LINGO2: variants seen among roughly 807,000 people sequenced by gnomAD.
LINGO2 encodes the protein leucine rich repeat and Ig domain containing 2, also known as leucine-rich repeat and immunoglobulin-like domain-containing nogo receptor-interacting protein 2.
Under a neutral mutation model 30.6 loss-of-function variants are expected in LINGO2, and 14 were observed. The ratio of observed to expected loss-of-function variants is 0.46; its 90% CI spans 0.30 to 0.72. The LOEUF (loss-of-function observed/expected upper bound fraction) is 0.72, where lower values mean the gene tolerates loss of function less well. Ranked by LOEUF, LINGO2 falls within the 30% of genes least tolerant of loss-of-function variation. LINGO2 has a pLI of 0.07. For synonymous variants in LINGO2, 317 were observed against 288.5 expected, an observed-to-expected ratio of 1.10 and a Z score of -1.00; for missense variants, 729 against 751.7, an observed-to-expected ratio of 0.97 and a Z score of 0.35.
rs1491188830 is a variant in LINGO2 at position 28,479,910 on chromosome 9, G to GGT, written c.-364-3887_-364-3886dup. ...ATGTGTGTATGTGTATATATACGTA[G>GGT]GTATATATATATATATATATATATA... On this transcript the variant is annotated intron_variant, in intron 1 of 5. Transcript: ENST00000379992. 3.2e-3 allele frequency among the ~76,000 whole-genome samples: 55 copies of GGT among 17,248 alleles called. 3 individuals are homozygous for GGT. In the East Asian group the frequency reaches 0.067, roughly 21 times the overall value. 11.3% of individuals were successfully genotyped at this position (17,248 alleles called of 152,430 possible).
In LINGO2 at chr9:28,148,934, G is replaced by C; in HGVS notation, c.-86-136529C>G. 1 of 1,533,978 alleles carries C rather than the reference G, an allele frequency of 6.5e-7. No individual in the cohort carries two copies. The highest frequency in any genetic ancestry group is 8.7e-7 in the Non-Finnish European group (1 of 1,146,676). The stretch of plus-strand genomic sequence containing the variant: ...GTCAAGTAGGTCTTCTCCACACAGA[G>C]CTGCCGGCCACAGTTCCCACAAAAG... On this transcript the variant is annotated intron_variant, in intron 4 of 5. Coordinates refer to ENST00000379992, the Ensembl canonical transcript of LINGO2. The surrounding 1 kb of genome is among the most constrained non-coding windows in gnomAD (Gnocchi z 5.1).
chr9:27,959,699 A>C (rs570794421), intron 5 of LINGO2, among the ~76,000 whole-genome samples: 1 of 152,280 alleles, frequency 6.6e-6, no homozygotes, highest in East Asian at 1.9e-4. Flanking sequence ...GCGTATGATC[A>C]ATCTTGCTGC....
chr9:29,135,646 A>G, the LINGO2 span, among the ~76,000 whole-genome samples: 1 of 152,254 alleles, frequency 6.6e-6, no homozygotes, highest in South Asian at 2.1e-4. Context: ...TAAAATTCTA[A>G]TAAAATGCAC....
chr9:29,212,099 C>A, the LINGO2 span, among the ~76,000 whole-genome samples: 1 of 152,204 alleles, frequency 6.6e-6, no homozygotes, highest in Non-Finnish European at 1.5e-5. Flanking sequence ...CCTCCCGGGG[C>A]TGCCCTCAGG....
At chr9:28,109,457 C>G (rs1346478987) in intron 4 of LINGO2, among the ~76,000 whole-genome samples, 1 of 152,102 alleles carries the variant, frequency 6.6e-6, no homozygotes, top group African/African-American at 2.4e-5. Flanking sequence ...GTCAAATTGT[C>G]TCTGTTTGCA....
intron 4 of LINGO2, among the ~76,000 whole-genome samples, chr9:28,187,620 G>A (rs1380116556): frequency 6.6e-6 from 1 of 152,122 alleles, no homozygotes; most frequent in African/African-American, 2.4e-5. Flanking sequence ...GTAAAGAGGA[G>A]AGATTAATTT....
rs188965688 is a variant in LINGO2, at chr9:28,015,212, G to A, written c.-86-2807C>T. Among the ~76,000 whole-genome samples, 1,460 of 152,184 alleles carry A rather than the reference G, an allele frequency of 9.6e-3. 21 individuals are homozygous for A. The highest frequency in any genetic ancestry group is 0.012 in the Non-Finnish European group (799 of 67,980). The stretch of plus-strand genomic sequence containing the variant: ...TCTTGGATAGGAGCTGGGATAACAA[G>A]TTCCTCTTATTAAACCTACTGATTT... On this transcript the variant is annotated intron_variant, in intron 4 of 5. Coordinates refer to ENST00000379992, the Ensembl canonical transcript of LINGO2.
At chr9:28,583,035 G>C (rs1268300548) in intron 1 of LINGO2, among the ~76,000 whole-genome samples, 1 of 151,742 alleles carries the variant, frequency 6.6e-6, no homozygotes, top group East Asian at 1.9e-4. Flanking sequence ...ATTAAATGAG[G>C]GAAAAATGCT....
chr9:28,401,293 C>T (rs1213144812), intron 2 of LINGO2, among the ~76,000 whole-genome samples: 1 of 152,090 alleles, frequency 6.6e-6, no homozygotes, highest in Non-Finnish European at 1.5e-5. Flanking sequence ...CCCTTACCCC[C>T]AACCCCCAAC....
the LINGO2 span, among the ~76,000 whole-genome samples, chr9:28,684,614 G>T: frequency 2.6e-5 from 4 of 151,180 alleles, no homozygotes; most frequent in Non-Finnish European, 5.9e-5. Context: ...CACCTCCCAG[G>T]TTCAAGTGAT....
At chr9:29,031,111 A>T in the LINGO2 span, among the ~76,000 whole-genome samples, 1 of 152,174 alleles carries the variant, frequency 6.6e-6, no homozygotes, top group Non-Finnish European at 1.5e-5. Context: ...AAAATCTCCC[A>T]TTGACACTGT....
At chr9:28,724,320 G>A in the LINGO2 span, among the ~76,000 whole-genome samples, 5 of 152,154 alleles carry the variant, frequency 3.3e-5, no homozygotes, top group African/African-American at 1.2e-4. Context: ...TAAGGAAGGG[G>A]AAGACTCAGA....
chr9:28,034,221 G>T (rs892157361), intron 4 of LINGO2, among the ~76,000 whole-genome samples: 1 of 152,194 alleles, frequency 6.6e-6, no homozygotes, highest in African/African-American at 2.4e-5. Flanking sequence ...TGTACATCTT[G>T]TAACAACGCA....
chr9:28,038,880 G>A (rs867860338), intron 4 of LINGO2, among the ~76,000 whole-genome samples: 1 of 152,168 alleles, frequency 6.6e-6, no homozygotes, highest in Non-Finnish European at 1.5e-5. Flanking sequence ...ATTTGTTTCT[G>A]TATTCACTTC....
chr9:28,099,431 G>A (rs572069549), intron 4 of LINGO2, among the ~76,000 whole-genome samples: 3 of 152,154 alleles, frequency 2.0e-5, no homozygotes, highest in East Asian at 3.9e-4. Flanking sequence ...TAAATACCAC[G>A]TGGACAAGTG....
intron 1 of LINGO2, among the ~76,000 whole-genome samples, chr9:28,588,902 C>T (rs1824714952): frequency 6.6e-6 from 1 of 152,032 alleles, no homozygotes; most frequent in Non-Finnish European, 1.5e-5. Context: ...AGACATAGTG[C>T]ACTGCTGTGC....
chr9:28,327,765 C>T (rs1317518402), intron 3 of LINGO2, among the ~76,000 whole-genome samples: 2 of 152,120 alleles, frequency 1.3e-5, no homozygotes, highest in Non-Finnish European at 2.9e-5. Context: ...ATACTGGCAG[C>T]TGTTCTTACA....
At chr9:28,726,272 T>C in the LINGO2 span, among the ~76,000 whole-genome samples, 3 of 152,084 alleles carry the variant, frequency 2.0e-5, no homozygotes, top group African/African-American at 7.2e-5. Flanking sequence ...AATGGGAACA[T>C]GAAAGTGTTA....
At chr9:28,306,390 GAC>G (rs1824356500) in intron 3 of LINGO2, among the ~76,000 whole-genome samples, 1 of 152,242 alleles carries the variant, frequency 6.6e-6, no homozygotes, top group Non-Finnish European at 1.5e-5. Flanking sequence ...CGAGAACAAA[GAC>G]ACAACGTACC....
Sources: allele counts gnomAD v4.1 joint callset (sites outside exome capture counted in the v4.1 genomes callset), GRCh38; gene constraint gnomAD v4.1.1; non-coding constraint Gnocchi (gnomAD v3.1); transcripts MANE v1.5; gene names NCBI Gene and HGNC (gene_info 2026-07-23, HGNC 2026-07-21).